Variants in TMEM132B observed in about 807,000 individuals in gnomAD.
TMEM132B encodes the protein transmembrane protein 132B.
Under a neutral mutation model 90.8 loss-of-function variants are expected in TMEM132B, and 18 were observed. The ratio of observed to expected loss-of-function variants is 0.20; its 90% CI spans 0.14 to 0.29. The LOEUF is 0.29. TMEM132B is among the 10% of genes least tolerant of loss of function. TMEM132B has a pLI of 1.00. For synonymous variants in TMEM132B, 504 were observed against 523.3 expected (o/e 0.96, Z 0.50); for missense variants, 1,096 against 1,326.8 (o/e 0.83, Z 2.70).
At chr12:125,431,810 A>G (rs528695298) in intron 3 of TMEM132B, among the ~76,000 whole-genome samples, 1 of 152,202 alleles carries the variant, frequency 6.6e-6, no homozygotes, top group East Asian at 1.9e-4. Context: ...CTTGAGATAC[A>G]ATCTGCAATG....
At chr12:125,414,401 G>A (rs1879947704) in intron 2 of TMEM132B, among the ~76,000 whole-genome samples, 1 of 151,846 alleles carries the variant, frequency 6.6e-6, no homozygotes, top group Admixed American at 6.6e-5. Flanking sequence ...ATCTTTTCTT[G>A]GTGGTGCTGG....
Position 125,520,442 on chromosome 12 carries a change from A to C in TMEM132B, c.1293+817A>C, listed in dbSNP as rs557523936. ...CTTTTGATCATTCATCATGCAAGTT[A>C]AACAACAAAGTTGAGACTCCTTTGA... On this transcript the variant is annotated intron_variant, in intron 4 of 8. Coordinates refer to ENST00000682704, the MANE Select transcript of TMEM132B (RefSeq NM_001366854.1). Among the ~76,000 whole-genome samples the C allele has an allele frequency of 1.7e-4, 26 of 152,206 alleles. 1 individual carries two copies. The highest frequency in any genetic ancestry group is 6.2e-4 in the South Asian group (3 of 4,832).
chr12:125,661,260 C>T lies in TMEM132B; in HGVS notation c.*6550C>T, dbSNP rs1887200182. 1 of 152,206 alleles carries T rather than the reference C, an allele frequency of 6.6e-6. No homozygotes were observed. The highest frequency in any genetic ancestry group is 2.1e-4 in the South Asian group (1 of 4,830). The allele number at this position is 152,206 out of a possible 1,614,324, so 9.4% of individuals were successfully genotyped here. On this transcript the variant is annotated 3_prime_UTR_variant, in exon 9 of 9. Transcript: ENST00000682704. ...AGCGTGCCTTTTTCCTCCATCATAA[C>T]CGCTTTAGGATCTCTGTTTTATCCA...
chr12:125,280,349 T>C (rs1252805793), intron 1 of TMEM132B, among the ~76,000 whole-genome samples: 3 of 152,224 alleles, frequency 2.0e-5, no homozygotes, highest in African/African-American at 7.2e-5. Flanking sequence ...TATGTGCAAT[T>C]ATTATGTGAC....
chr12:125,338,976 A>T (rs1877074327), intron 1 of TMEM132B, among the ~76,000 whole-genome samples: 1 of 152,236 alleles, frequency 6.6e-6, no homozygotes, highest in African/African-American at 2.4e-5. Context: ...TGTTCATTCT[A>T]GAAAACTTGA....
chr12:125,200,627 C>T (rs1221255889), intron 1 of TMEM132B, among the ~76,000 whole-genome samples: 1 of 152,186 alleles, frequency 6.6e-6, no homozygotes, highest in Non-Finnish European at 1.5e-5. Context: ...GGGTAGGGAT[C>T]AGCACCCACT....
chr12:125,626,555 T>C (rs1210003138), intron 5 of TMEM132B, among the ~76,000 whole-genome samples: 1 of 152,176 alleles, frequency 6.6e-6, no homozygotes, highest in Non-Finnish European at 1.5e-5. Context: ...TGATAGATTT[T>C]TTTTGGCTGG....
chr12:125,287,374 C>T (rs569435789), intron 1 of TMEM132B, among the ~76,000 whole-genome samples: 3 of 152,246 alleles, frequency 2.0e-5, no homozygotes, highest in East Asian at 1.9e-4. Flanking sequence ...GGAATTGGGA[C>T]GTGGGCATCT....
rs1957760217 is a variant in TMEM132B at position 125,186,415 on chromosome 12, C to T, written c.-385C>T. 6.9e-6 allele frequency among the ~76,000 whole-genome samples: 1 copy of T among 145,574 alleles called. No homozygotes were observed. Among genetic ancestry groups the T allele is most frequent in the Admixed American group, 6.8e-5 (1 of 14,638 alleles). On this transcript the variant is annotated 5_prime_UTR_variant, in exon 1 of 9. Coordinates refer to ENST00000682704, the MANE Select transcript of TMEM132B (RefSeq NM_001366854.1). The surrounding 1 kb of genome is among the most constrained non-coding windows in gnomAD (Gnocchi z 6.3). ...TCTCGCTGGCTCGAGGGGCGGCCGG[C>T]AGATGGCGATGGCAGAGGCGGCGGC... is the stretch of plus-strand genomic sequence containing the variant.
chr12:125,514,805 G>GTC, intron 3 of TMEM132B, among the ~76,000 whole-genome samples: 1 of 152,164 alleles, frequency 6.6e-6, no homozygotes, highest in South Asian at 2.1e-4. Flanking sequence ...ATGCACTGAG[G>GTC]AACAGCCGCA....
intron 4 of TMEM132B, among the ~76,000 whole-genome samples, chr12:125,523,141 A>G (rs977021297): frequency 6.6e-6 from 1 of 152,180 alleles, no homozygotes; most frequent in Non-Finnish European, 1.5e-5. Flanking sequence ...TGCTTGCCAT[A>G]TTATTAATTT....
intron 5 of TMEM132B, among the ~76,000 whole-genome samples, chr12:125,616,219 G>C (rs942894120): frequency 2.0e-5 from 3 of 151,882 alleles, no homozygotes; most frequent in African/African-American, 7.2e-5. Flanking sequence ...ATAGTTTGCT[G>C]AGAATGATGG....
chr12:125,492,479 G>A lies in TMEM132B; in HGVS notation c.1107-26960G>A, dbSNP rs1181806967. 2.0e-5 allele frequency among the ~76,000 whole-genome samples: 3 copies of A among 152,124 alleles called. No homozygotes were observed. Among genetic ancestry groups the A allele is most frequent in the Non-Finnish European group, 4.4e-5 (3 of 68,010 alleles). On this transcript the variant is annotated intron_variant, in intron 3 of 8. Transcript: ENST00000682704. This position sits in a 1 kb window ranked among gnomAD's most constrained non-coding sequence, Gnocchi z 5.8. ...GGCCCCGACTGCTCCTTCCTGGGATGTGCCGCCACCTCCCCAGGGCCTTTC... is the reference window on the plus strand; with the variant it reads ...GGCCCCGACTGCTCCTTCCTGGGATATGCCGCCACCTCCCCAGGGCCTTTC...
At chr12:125,624,531 G>T (rs890263085) in intron 5 of TMEM132B, among the ~76,000 whole-genome samples, 1 of 152,138 alleles carries the variant, frequency 6.6e-6, no homozygotes, top group Non-Finnish European at 1.5e-5. Context: ...AGATACAAAG[G>T]TGACTGGGGA....
intron 5 of TMEM132B, among the ~76,000 whole-genome samples, chr12:125,642,846 T>C (rs1886664251): frequency 6.6e-6 from 1 of 152,230 alleles, no homozygotes; most frequent in Non-Finnish European, 1.5e-5. Context: ...AGCTATTTTC[T>C]CCTTGGTTTC....
chr12:125,584,851 A>G lies in TMEM132B; in HGVS notation c.1437+857A>G, dbSNP rs550973594. The stretch of plus-strand genomic sequence containing the variant: ...AGGGAGAAAGGATTTGAATTTTTAG[A>G]ATGACTGATCCTTCCTCCTTTAAAT... On this transcript the variant is annotated intron_variant, in intron 5 of 8. Coordinates refer to ENST00000682704, the MANE Select transcript of TMEM132B (RefSeq NM_001366854.1). The G allele has an allele frequency of 4.6e-5, 7 of 152,330 alleles. No homozygotes were observed. The East Asian group carries it at 1.3e-3, about 29-fold the overall frequency. The allele number at this position is 152,330 out of a possible 1,614,324, so 9.4% of individuals were successfully genotyped here.
At chr12:125,644,020 T>C in intron 5 of TMEM132B, 56 bp from the exon 6 acceptor site, 2 of 1,535,954 alleles carry the variant, frequency 1.3e-6, no homozygotes, top group South Asian at 1.1e-5. Flanking sequence ...CTGTTGTTGT[T>C]TTTTCCTTGT....
At chr12:125,560,023 A>G (rs1401516688) in intron 4 of TMEM132B, among the ~76,000 whole-genome samples, 5 of 152,180 alleles carry the variant, frequency 3.3e-5, no homozygotes, top group African/African-American at 1.2e-4. Context: ...TTCTTAATGC[A>G]AGGAAGTCAC....
chr12:125,191,355 G>A (rs1301820426), intron 1 of TMEM132B, among the ~76,000 whole-genome samples: 3 of 152,094 alleles, frequency 2.0e-5, no homozygotes, highest in Non-Finnish European at 4.4e-5. Flanking sequence ...CTGGCAAGTG[G>A]ACACTCTCAT....
Sources: gnomAD v4.1 joint callset for allele counts (sites outside exome capture counted in the v4.1 genomes callset) on GRCh38, gnomAD v4.1.1 for gene constraint, Gnocchi (gnomAD v3.1) non-coding constraint, MANE v1.5 for transcripts, NCBI Gene and HGNC (gene_info 2026-07-23, HGNC 2026-07-21) for gene names.